The following MDGA2 variants were observed in gnomAD, a reference collection of about 807,000 sequenced individuals.
The protein encoded by MDGA2 is MAM domain-containing glycosylphosphatidylinositol anchor protein 2.
A neutral mutation model predicts 117.8 loss-of-function variants in MDGA2; 40 were observed. The observed-to-expected ratio is 0.34, with a 90% confidence interval of 0.26 to 0.44. MDGA2 has a LOEUF of 0.44. MDGA2 is among the 20% of genes least tolerant of loss of function. The pLI is 1.00. For missense variants in MDGA2, 1,123 were observed against 1,250.6 expected (o/e 0.90, Z 1.54); for synonymous variants, 452 against 439.0 (o/e 1.03, Z -0.37).
rs189084480 is a variant in MDGA2, at chr14:46,866,561, A to T, written c.2752+6872T>A. On this transcript the variant is annotated intron_variant, in intron 14 of 16. Coordinates refer to ENST00000399232, the MANE Select transcript of MDGA2 (RefSeq NM_001113498.3). Reference sequence around the variant, plus strand: ...CAAATGGGATCTAATTAAACTAAAGAGCTTCTGCACAGCAGAAGAAACTAC... The same window carrying T: ...CAAATGGGATCTAATTAAACTAAAGTGCTTCTGCACAGCAGAAGAAACTAC... Among the ~76,000 whole-genome samples the T allele has an allele frequency of 1.8e-3, 281 of 152,260 alleles. 1 individual carries two copies. The highest frequency in any genetic ancestry group is 2.9e-3 in the Non-Finnish European group (198 of 68,016).
In MDGA2 at chr14:47,417,510, T is replaced by C. The variant is rs535567392; in HGVS notation, c.281-115960A>G. On this transcript the variant is annotated intron_variant, in intron 1 of 16. Transcript: ENST00000399232. ...ATTACTCATATGTTCTTTGAGTTGA[T>C]GGTGGCTTTATCTACTACAGCTCTC... is the stretch of plus-strand genomic sequence containing the variant. Among the ~76,000 whole-genome samples, 35 of 152,318 alleles carry C rather than the reference T, an allele frequency of 2.3e-4. No homozygotes were observed. The South Asian group carries it at 6.6e-3, about 29-fold the overall frequency.
intron 9 of MDGA2, among the ~76,000 whole-genome samples, chr14:46,937,607 T>C (rs964148560): frequency 2.0e-5 from 3 of 152,098 alleles, no homozygotes; most frequent in Non-Finnish European, 2.9e-5. Context: ...TGCTGGCACA[T>C]AGACGAATGG....
chr14:47,535,191 CACTT>C (rs938040464), intron 1 of MDGA2, among the ~76,000 whole-genome samples: 1 of 151,880 alleles, frequency 6.6e-6, no homozygotes, highest in African/African-American at 2.4e-5. Flanking sequence ...CCATTTATAT[CACTT>C]ACACAATTTC....
rs151105561 is a variant in MDGA2, at chr14:47,009,089, T to G, written c.1819+25922A>C. On this transcript the variant is annotated intron_variant, in intron 8 of 16. Coordinates refer to ENST00000399232, the MANE Select transcript of MDGA2 (RefSeq NM_001113498.3). ...TACGATATTTAATTAAGCAGTGCAA[T>G]GTAATGTAGCACTCATTCGATAGAT... 4.1e-3 allele frequency among the ~76,000 whole-genome samples: 625 copies of G among 152,182 alleles called. 6 individuals carry two copies. The highest frequency in any genetic ancestry group is 0.011 in the South Asian group (53 of 4,834).
At chr14:47,389,177 G>A (rs1014584160) in intron 1 of MDGA2, among the ~76,000 whole-genome samples, 1 of 143,208 alleles carries the variant, frequency 7.0e-6, no homozygotes, top group South Asian at 2.1e-4. Context: ...CACAGTACTA[G>A]CAAATAGCTG....
chr14:47,127,074 T>C (rs1338744544), intron 5 of MDGA2, among the ~76,000 whole-genome samples: 26 of 152,166 alleles, frequency 1.7e-4, no homozygotes, highest in Non-Finnish European at 2.9e-5. Flanking sequence ...TTTATAAACA[T>C]ATTGGTTTAC....
chr14:46,969,949 T>C (rs1269862955), intron 8 of MDGA2, among the ~76,000 whole-genome samples: 25 of 22,450 alleles, frequency 1.1e-3, no homozygotes, highest in African/African-American at 1.6e-3. Flanking sequence ...TATATATATA[T>C]ATATATATAT....
intron 9 of MDGA2, among the ~76,000 whole-genome samples, chr14:46,952,874 TTGAAGAATTATGACAA>T (rs1221828491): frequency 6.6e-6 from 1 of 151,910 alleles, no homozygotes; most frequent in Non-Finnish European, 1.5e-5. Context: ...AATGAATGCT[TTGAAGAATTATGACAA>T]TGAAGAATTT....
chr14:47,462,754 T>C (rs539966401), intron 1 of MDGA2, among the ~76,000 whole-genome samples: 1 of 151,916 alleles, frequency 6.6e-6, no homozygotes, highest in African/African-American at 2.4e-5. Context: ...AAATGGAGCA[T>C]AAAAAAACAA....
chr14:47,017,469 G>C (rs981303943), intron 8 of MDGA2, among the ~76,000 whole-genome samples: 31 of 151,874 alleles, frequency 2.0e-4, no homozygotes, highest in African/African-American at 7.5e-4. Context: ...CAAAGAGATA[G>C]AGCCATAAAA....
In MDGA2 at chr14:47,166,196, C is replaced by T. The variant is rs900935242; in HGVS notation, c.596-21922G>A. Among the ~76,000 whole-genome samples the T allele has an allele frequency of 9.9e-5, 15 of 151,718 alleles. 1 individual carries two copies. Among genetic ancestry groups the T allele is most frequent in the East Asian group, 1.9e-4 (1 of 5,138 alleles). Reference sequence around the variant, plus strand: ...GACTACAGATGCATGCCACCAGGCCCGGCTAATTTTTGTATTTTTAGTAGA... The same window carrying T: ...GACTACAGATGCATGCCACCAGGCCTGGCTAATTTTTGTATTTTTAGTAGA... On this transcript the variant is annotated intron_variant, in intron 3 of 16. Transcript: ENST00000399232.
chr14:47,179,689 C>G (rs1474897311), intron 3 of MDGA2, among the ~76,000 whole-genome samples: 1 of 151,904 alleles, frequency 6.6e-6, no homozygotes, highest in African/African-American at 2.4e-5. Context: ...TTCTATGGTT[C>G]ACAGAGGTAG....
chr14:46,870,449 C>T (rs369497340), intron 14 of MDGA2, among the ~76,000 whole-genome samples: 10 of 151,962 alleles, frequency 6.6e-5, no homozygotes, highest in African/African-American at 2.4e-4. Flanking sequence ...AATGAAAGTC[C>T]GAAAATAATA....
chr14:47,000,898 T>C (rs1022434684), intron 8 of MDGA2, among the ~76,000 whole-genome samples: 3 of 152,006 alleles, frequency 2.0e-5, no homozygotes, highest in Admixed American at 1.3e-4. Context: ...AGTTTGATTC[T>C]AAAACTAAGA....
At chr14:46,968,412 G>A (rs985942269) in intron 8 of MDGA2, among the ~76,000 whole-genome samples, 9 of 152,226 alleles carry the variant, frequency 5.9e-5, no homozygotes, top group East Asian at 3.9e-4. Context: ...CTGGATGTCC[G>A]AGGCAGAGCA....
At chr14:47,211,847 A>AT (rs1280264854) in intron 3 of MDGA2, among the ~76,000 whole-genome samples, 1 of 152,212 alleles carries the variant, frequency 6.6e-6, no homozygotes, top group Non-Finnish European at 1.5e-5. Flanking sequence ...GGTCATTAGC[A>AT]TATCATTCAC....
At chr14:47,077,893 G>A (rs1490735284) in intron 6 of MDGA2, among the ~76,000 whole-genome samples, 3 of 151,924 alleles carry the variant, frequency 2.0e-5, no homozygotes, top group Non-Finnish European at 2.9e-5. Context: ...TCAGAAAAAT[G>A]GTATAAGATA....
intron 1 of MDGA2, among the ~76,000 whole-genome samples, chr14:47,469,616 G>A (rs556618156): frequency 1.3e-5 from 2 of 152,038 alleles, no homozygotes; most frequent in South Asian, 2.1e-4. Context: ...ATAAACATAC[G>A]TGTGCATGTG....
chr14:46,929,613 A>G lies in MDGA2; in HGVS notation c.2090-9453T>C, dbSNP rs1237580735. The stretch of plus-strand genomic sequence containing the variant: ...TGTGTGTGTGTGTGTATATATATAT[A>G]TATATATATATATATATATATATAT... On this transcript the variant is annotated intron_variant, in intron 9 of 16. Transcript: ENST00000399232. Among the ~76,000 whole-genome samples, 131 of 15,302 alleles carry G rather than the reference A, an allele frequency of 8.6e-3. 2 individuals are homozygous for G. Among genetic ancestry groups the G allele is most frequent in the African/African-American group, 0.028 (93 of 3,328 alleles). 10.0% of individuals were successfully genotyped at this position (15,302 alleles called of 152,430 possible). A position where few individuals can be genotyped will look rare whatever the true frequency, so the allele number is the denominator to read the frequency against.
Sources: allele counts gnomAD v4.1 joint callset (sites outside exome capture counted in the v4.1 genomes callset), GRCh38; gene constraint gnomAD v4.1.1; transcripts MANE v1.5; gene names NCBI Gene and HGNC (gene_info 2026-07-23, HGNC 2026-07-21).